The following INTS6 variants were observed in gnomAD, a reference collection of about 807,000 sequenced individuals.
The protein encoded by INTS6 is DEAD box protein.
INTS6 carries 16 observed loss-of-function variants against 104.9 expected under a neutral mutation model. That is an observed-to-expected ratio of 0.15 (90% CI 0.10 to 0.23). The LOEUF is 0.23. INTS6 is among the 10% of genes least tolerant of loss of function. INTS6 has a pLI of 1.00. For synonymous variants in INTS6, 324 were observed against 358.7 expected (o/e 0.90, Z 1.09); for missense variants, 584 against 1,062.8 (o/e 0.55, Z 6.26).
At chr13:51,381,653 A>G (rs1956051226) in intron 10 of INTS6, among the ~76,000 whole-genome samples, 1 of 151,984 alleles carries the variant, frequency 6.6e-6, no homozygotes, top group Non-Finnish European at 1.5e-5. Context: ...ATAAAAGTTT[A>G]TAATACCCAC....
intron 4 of INTS6, among the ~76,000 whole-genome samples, chr13:51,425,593 A>C (rs868701653): frequency 2.6e-5 from 4 of 152,144 alleles, no homozygotes; most frequent in Admixed American, 6.6e-5. Context: ...AATGTCATTC[A>C]TCACTAAGAA....
Position 51,376,098 on chromosome 13 carries a change from C to T in INTS6, c.1679G>A (p.Arg560Lys). The T allele has an allele frequency of 1.9e-6, 3 of 1,611,752 alleles. No homozygotes were observed. The highest frequency in any genetic ancestry group is 2.5e-6 in the Non-Finnish European group (3 of 1,179,152). The change falls in exon 13 of 18, where the codon AGA becomes AAA. Residue 560 changes from arginine to lysine, a missense_variant. Arg to Lys is a conservative substitution (Grantham distance 26). This residue lies in a region of INTS6 where 296 missense variants were observed against 437.0 expected (regional missense o/e 0.68). Transcript: ENST00000311234. ...RNLLDHLTRM[R>K]SNLLKSTRRF... ...GCGAGTGCTCTTCAAAAGATTAGATCTCATTCTTGTTAAGTGATCCAAAAG... is the reference window on the plus strand; with the variant it reads ...GCGAGTGCTCTTCAAAAGATTAGATTTCATTCTTGTTAAGTGATCCAAAAG...
At chr13:51,341,159 G>T in the INTS6 span, 1 of 1,613,976 alleles carries the variant, frequency 6.2e-7, no homozygotes, top group Non-Finnish European at 8.5e-7. Flanking sequence ...GGCCACCTCC[G>T]TGAAGGAATG....
the INTS6 span, among the ~76,000 whole-genome samples, chr13:51,341,621 T>A: frequency 1.3e-5 from 2 of 152,220 alleles, no homozygotes; most frequent in Non-Finnish European, 2.9e-5. Flanking sequence ...CCTTGAATTT[T>A]AAGGTTCCCT....
chr13:51,353,192 T>C (rs1728840039), downstream of INTS6, among the ~76,000 whole-genome samples: 1 of 152,174 alleles, frequency 6.6e-6, no homozygotes, highest in South Asian at 2.1e-4. Context: ...TATCTCACTT[T>C]TACTGATGTT....
chr13:51,400,593 T>C (rs1956418538), intron 4 of INTS6, among the ~76,000 whole-genome samples: 1 of 152,148 alleles, frequency 6.6e-6, no homozygotes, highest in African/African-American at 2.4e-5. Flanking sequence ...CTTTCTTATA[T>C]CGGGTGACTG....
At chr13:51,361,340 G>T, downstream of INTS6, 1 of 1,609,294 alleles carries the variant, frequency 6.2e-7, no homozygotes. Flanking sequence ...TTTGGAGGAA[G>T]GCACCAAGGC....
chr13:51,359,672 C>G (rs1955532376), downstream of INTS6, among the ~76,000 whole-genome samples: 1 of 152,068 alleles, frequency 6.6e-6, no homozygotes, highest in African/African-American at 2.4e-5. Context: ...CATAGTGAAT[C>G]TCTGCTTATT....
chr13:51,340,607 T>A, the INTS6 span, among the ~76,000 whole-genome samples: 1 of 152,224 alleles, frequency 6.6e-6, no homozygotes, highest in Non-Finnish European at 1.5e-5. Context: ...CTAGTGAGAT[T>A]GTTGGGATGA....
intron 3 of INTS6, chr13:51,440,032 A>ATCAGGAGG (rs1191058049): frequency 6.6e-6 from 1 of 152,414 alleles, no homozygotes; most frequent in Non-Finnish European, 1.5e-5. Context: ...AGGTCAGGAG[A>ATCAGGAGG]TCAGGAGGTC....
chr13:51,435,898 A>G (rs1475423042), intron 3 of INTS6, among the ~76,000 whole-genome samples: 1 of 152,118 alleles, frequency 6.6e-6, no homozygotes, highest in Non-Finnish European at 1.5e-5. Context: ...CATATTACAA[A>G]CAAAACAGAA....
chr13:51,336,147 A>G, the INTS6 span, among the ~76,000 whole-genome samples: 1 of 152,238 alleles, frequency 6.6e-6, no homozygotes, highest in Non-Finnish European at 1.5e-5. Flanking sequence ...ATTCAAGTCT[A>G]GAGATCTTTG....
intron 4 of INTS6, chr13:51,423,220 A>G: frequency 2.7e-6 from 1 of 370,588 alleles, no homozygotes; most frequent in South Asian, 2.4e-5. Context: ...CACAATTCAA[A>G]ATCTAACGAA....
At chr13:51,432,881 C>A (rs1957121223) in intron 3 of INTS6, among the ~76,000 whole-genome samples, 1 of 152,182 alleles carries the variant, frequency 6.6e-6, no homozygotes, top group Non-Finnish European at 1.5e-5. Context: ...TCTCTACTCT[C>A]ATACATAATA....
intron 5 of INTS6, among the ~76,000 whole-genome samples, chr13:51,393,854 C>T (rs1566221186): frequency 6.6e-6 from 1 of 152,268 alleles, no homozygotes; most frequent in East Asian, 1.9e-4. Flanking sequence ...ACTCACTTGA[C>T]TTCACACTCT....
At chr13:51,383,492 AACCTTT>A in intron 8 of INTS6, 31 bp from the exon 9 acceptor site, 1 of 1,607,286 alleles carries the variant, frequency 6.2e-7, no homozygotes, top group Non-Finnish European at 8.5e-7. Context: ...AAACTTTAAT[AACCTTT>A]AAAGAATGTT....
chr13:51,440,278 A>T (rs1451776874), intron 3 of INTS6: 2 of 152,046 alleles, frequency 1.3e-5, no homozygotes, highest in African/African-American at 2.4e-5. Context: ...TTAAAAAAAT[A>T]ACAATTTTAA....
At chr13:51,449,870 C>T in intron 3 of INTS6, 1 of 985,298 alleles carries the variant, frequency 1.0e-6, no homozygotes, top group Non-Finnish European at 1.2e-6. Flanking sequence ...ACATATTTAC[C>T]TAACTAAACG....
intron 4 of INTS6, among the ~76,000 whole-genome samples, chr13:51,425,970 A>T (rs1319363129): frequency 2.0e-5 from 3 of 150,536 alleles, no homozygotes; most frequent in African/African-American, 7.3e-5. Context: ...TAGCTGCATT[A>T]AAAAAAAAGC....
Sources: gnomAD v4.1 joint callset for allele counts (sites outside exome capture counted in the v4.1 genomes callset) on GRCh38, gnomAD v4.1.1 for gene constraint, gnomAD v4.1.1 regional missense constraint, MANE v1.5 for transcripts, NCBI Gene and HGNC (gene_info 2026-07-23, HGNC 2026-07-21) for gene names.